Variants in PTCH1 observed in about 807,000 individuals in gnomAD.
PTCH1 encodes protein patched homolog 1.
In PTCH1, 14 loss-of-function variants were observed where a neutral mutation model predicts 144.6. The ratio of observed to expected loss-of-function variants is 0.10; its 90% CI spans 0.06 to 0.15. The LOEUF (loss-of-function observed/expected upper bound fraction) is 0.15. Among genes scored for constraint, PTCH1 ranks in the 10% least tolerant of loss-of-function variants. PTCH1 has a pLI of 1.00. For synonymous variants in PTCH1, 833 were observed against 793.6 expected, an observed-to-expected ratio of 1.05 and a Z score of -0.83; for missense variants, 1,623 against 1,948.3, an observed-to-expected ratio of 0.83 and a Z score of 3.14.
At chr9:95,501,661 G>A (rs1261083296) in intron 2 of PTCH1, among the ~76,000 whole-genome samples, 1 of 152,072 alleles carries the variant, frequency 6.6e-6, no homozygotes, top group Non-Finnish European at 1.5e-5. Context: ...GCCCTCTGCA[G>A]AAAAGGAGGC....
At chr9:95,489,072 T>C (rs1842194213) in intron 2 of PTCH1, among the ~76,000 whole-genome samples, 1 of 152,192 alleles carries the variant, frequency 6.6e-6, no homozygotes, top group South Asian at 2.1e-4. Flanking sequence ...ACGACACTCA[T>C]ATATTCTGAC....
At chr9:95,492,710 T>G (rs1350491913) in intron 2 of PTCH1, among the ~76,000 whole-genome samples, 1 of 151,916 alleles carries the variant, frequency 6.6e-6, no homozygotes, top group Non-Finnish European at 1.5e-5. Context: ...CAACCTGTAT[T>G]ACGCTCACAG....
At chr9:95,453,414 G>A in intron 20 of PTCH1, 64 bp downstream of exon 20, 1 of 1,607,610 alleles carries the variant, frequency 6.2e-7, no homozygotes. Context: ...ACAGGCGTGA[G>A]CCACTGCACC....
chr9:95,505,493 T>C (rs1843504238), intron 2 of PTCH1, among the ~76,000 whole-genome samples: 1 of 152,134 alleles, frequency 6.6e-6, no homozygotes, highest in Non-Finnish European at 1.5e-5. Context: ...AAAATGTTTG[T>C]CTTCGAAAAA....
chr9:95,507,264 G>T, intron 1 of PTCH1: 1 of 985,488 alleles, frequency 1.0e-6, no homozygotes, highest in Non-Finnish European at 1.2e-6. Flanking sequence ...CAGCCACATG[G>T]ATCTTTCCCT....
intron 16 of PTCH1, among the ~76,000 whole-genome samples, chr9:95,460,309 G>A (rs374312638): frequency 2.0e-5 from 3 of 152,170 alleles, no homozygotes; most frequent in African/African-American, 7.2e-5. Flanking sequence ...TGCAAGGGAC[G>A]AGTGCACACC....
rs1455383562 is a variant in PTCH1, at chr9:95,506,680, G to GCTT, written c.202-82_202-81insAAG. ...CACGCCCGCTTGCGCGCACCCGCCCGGTGAGCCCCCAACAGCCGTGGGGGC... is the reference window on the plus strand; with the variant it reads ...CACGCCCGCTTGCGCGCACCCGCCCGCTTGTGAGCCCCCAACAGCCGTGGGGGC... On this transcript the variant is annotated intron_variant, in intron 1 of 23. Coordinates refer to ENST00000331920, the MANE Select transcript of PTCH1 (RefSeq NM_000264.5). 1.5e-4 allele frequency: 200 copies of GCTT among 1,350,454 alleles called. 1 individual carries two copies. Among genetic ancestry groups the GCTT allele is most frequent in the East Asian group, 3.3e-4 (11 of 33,788 alleles). 83.7% of individuals were successfully genotyped at this position (1,350,454 alleles called of 1,614,324 possible). A position where few individuals can be genotyped will look rare whatever the true frequency, so the allele number is the denominator to read the frequency against.
Position 95,479,082 on chromosome 9 carries a change from C to T in PTCH1, c.1133G>A (p.Gly378Glu), listed in dbSNP as rs1463870316. The T allele has an allele frequency of 4.3e-6, 7 of 1,614,140 alleles. No homozygotes were observed. The highest frequency in any genetic ancestry group is 5.1e-6 in the Non-Finnish European group (6 of 1,180,030). ...TPKQMYEHFK[G>E]YEYVSHINWN... Reference sequence around the variant, plus strand: ...GTTGATGTGTGAGACATACTCGTACCCCTTGAAGTGCTCGTACATTTGCTT... The same window carrying T: ...GTTGATGTGTGAGACATACTCGTACTCCTTGAAGTGCTCGTACATTTGCTT... The change falls in exon 8 of 24, where the codon GGG becomes GAG. Residue 378 changes from glycine to glutamate, a missense_variant. Transcript: ENST00000331920.
intron 19 of PTCH1, among the ~76,000 whole-genome samples, chr9:95,455,957 A>G (rs1309035174): frequency 1.3e-5 from 2 of 152,208 alleles, no homozygotes; most frequent in Non-Finnish European, 2.9e-5. Flanking sequence ...CAAACGTCAC[A>G]ACGTCAGGAA....
At chr9:95,448,894 T>A (rs1045263101) in intron 22 of PTCH1, among the ~76,000 whole-genome samples, 175 bp downstream of exon 22, 6 of 152,226 alleles carry the variant, frequency 3.9e-5, no homozygotes, top group Non-Finnish European at 8.8e-5. Flanking sequence ...ATTTGTATAG[T>A]TGAGAAAGAG....
intron 15 of PTCH1, among the ~76,000 whole-genome samples, chr9:95,463,148 C>T (rs552722717): frequency 6.7e-6 from 1 of 150,006 alleles, no homozygotes; most frequent in Non-Finnish European, 1.5e-5. Flanking sequence ...TCGGGACATG[C>T]CTTGGATGAT....
chr9:95,467,779 G>C (rs1259648472), intron 14 of PTCH1, among the ~76,000 whole-genome samples: 4 of 151,364 alleles, frequency 2.6e-5, no homozygotes, highest in Non-Finnish European at 1.5e-5. Flanking sequence ...ATTTTTTTTT[G>C]TATTTTTAGT....
chr9:95,506,836 A>C, intron 1 of PTCH1: 2 of 1,170,652 alleles, frequency 1.7e-6, no homozygotes, highest in Non-Finnish European at 2.1e-6. Flanking sequence ...GGGCGCCCCC[A>C]CCCGCGGGAT....
rs150373546 is a variant in PTCH1, at chr9:95,447,264, G to C, written c.3992C>G (p.Ser1331Cys). ...DAFEISTEGH[S>C]GPSNRARWGP... ...CCAGCGGGCCCTATTGCTAGGGCCA[G>C]AATGCCCTTCAGTAGAAATTTCAAA... Residue 1331 changes from serine to cysteine, a missense_variant, in exon 23 of 24, where the codon TCT becomes TGT. By Grantham distance (112) the Ser-to-Cys change is moderately radical. Around this residue, in one of 7 missense-constraint regions of PTCH1, gnomAD observed 291 missense variants for 287.4 expected, o/e 1.01. Transcript: ENST00000331920. The C allele has an allele frequency of 5.3e-5, 85 of 1,612,928 alleles. No homozygotes were observed. Among genetic ancestry groups the C allele is most frequent in the Non-Finnish European group, 6.8e-5 (80 of 1,179,962 alleles).
chr9:95,506,996 C>A (rs919082406), intron 1 of PTCH1: 4 of 997,954 alleles, frequency 4.0e-6, no homozygotes, highest in African/African-American at 3.5e-5. Context: ...GGTTCAGGAG[C>A]CAGCAAACCA....
At chr9:95,494,343 C>T in intron 2 of PTCH1, 1 of 985,578 alleles carries the variant, frequency 1.0e-6, no homozygotes, top group Non-Finnish European at 1.2e-6. Flanking sequence ...CTCCCACCAG[C>T]TCCCAAGGAG....
At chr9:95,510,939 G>T (rs1445835963), upstream of PTCH1, among the ~76,000 whole-genome samples, 1 of 150,418 alleles carries the variant, frequency 6.6e-6, no homozygotes, top group African/African-American at 2.4e-5. Context: ...CCGGCTCCGG[G>T]CCTCCAGCGC....
chr9:95,516,700 C>T (rs1445696661), exon 1 of PTCH1: 1 of 1,613,436 alleles, frequency 6.2e-7, no homozygotes, highest in Admixed American at 1.7e-5. Flanking sequence ...TCTCCTCCTC[C>T]TCCGTCTTTA....
At chr9:95,446,412 G>A (rs1181010531) in intron 23 of PTCH1, 21 bp from the exon 24 acceptor site, 1 of 518,824 alleles carries the variant, frequency 1.9e-6, no homozygotes, top group Non-Finnish European at 3.8e-6. Context: ...AAGCAAAAAA[G>A]GAAGTTGAAC....
Sources: gnomAD v4.1 joint callset for allele counts (sites outside exome capture counted in the v4.1 genomes callset) on GRCh38, gnomAD v4.1.1 for gene constraint, gnomAD v4.1.1 regional missense constraint, MANE v1.5 for transcripts, NCBI Gene and HGNC (gene_info 2026-07-23, HGNC 2026-07-21) for gene names.